The following NRXN1 variants were observed in gnomAD, a reference collection of about 807,000 sequenced individuals.
NRXN1 encodes neurexin-1.
NRXN1 carries 39 observed loss-of-function variants against 150.9 expected under a neutral mutation model. The ratio of observed to expected loss-of-function variants is 0.26; its 90% CI spans 0.20 to 0.34. The LOEUF is 0.34. NRXN1 is among the 10% of genes least tolerant of loss of function. NRXN1 has a pLI of 1.00. For synonymous variants in NRXN1, 924 were observed against 757.0 expected, an observed-to-expected ratio of 1.22 and a Z score of -3.62; for missense variants, 1,815 against 1,949.9, an observed-to-expected ratio of 0.93 and a Z score of 1.30.
At chr2:50,405,215 G>A (rs1419569247) in intron 17 of NRXN1, among the ~76,000 whole-genome samples, 1 of 152,136 alleles carries the variant, frequency 6.6e-6, no homozygotes, top group Non-Finnish European at 1.5e-5. Context: ...TCCACTTGCA[G>A]ATTGATATGC....
At chr2:50,593,316 T>C (rs1391229281) in intron 8 of NRXN1, among the ~76,000 whole-genome samples, 1 of 152,204 alleles carries the variant, frequency 6.6e-6, no homozygotes, top group Non-Finnish European at 1.5e-5. Context: ...GACAAATGAA[T>C]TGAAAATGAA....
chr2:50,923,779 C>T (rs1054096014), intron 3 of NRXN1, among the ~76,000 whole-genome samples: 6 of 151,848 alleles, frequency 4.0e-5, no homozygotes, highest in African/African-American at 1.2e-4. Flanking sequence ...TTTATTTGAG[C>T]TATATAACAT....
At chr2:49,950,503 A>C (rs1014795415) in intron 21 of NRXN1, among the ~76,000 whole-genome samples, 1 of 152,042 alleles carries the variant, frequency 6.6e-6, no homozygotes, top group Non-Finnish European at 1.5e-5. Context: ...ATTTTCTGAT[A>C]GGCATAAAAT....
chr2:50,798,537 A>C (rs1707156608), intron 5 of NRXN1, among the ~76,000 whole-genome samples: 1 of 152,166 alleles, frequency 6.6e-6, no homozygotes, highest in African/African-American at 2.4e-5. Context: ...GCAAGTTAAC[A>C]CTGCCCACTT....
intron 5 of NRXN1, among the ~76,000 whole-genome samples, chr2:50,688,645 G>T (rs183967574): frequency 6.6e-6 from 1 of 152,142 alleles, no homozygotes; most frequent in Admixed American, 6.5e-5. Flanking sequence ...GATAGCATCC[G>T]TTATCTTCTC....
chr2:50,944,971 C>G (rs1456254135), intron 2 of NRXN1, among the ~76,000 whole-genome samples: 1 of 152,254 alleles, frequency 6.6e-6, no homozygotes, highest in Non-Finnish European at 1.5e-5. Context: ...TTCTGCTAAC[C>G]ATTACATACT....
At chr2:50,455,555 C>T (rs1327398560) in intron 17 of NRXN1, among the ~76,000 whole-genome samples, 3 of 152,186 alleles carry the variant, frequency 2.0e-5, no homozygotes, top group Non-Finnish European at 4.4e-5. Context: ...GTGCCTGACA[C>T]ACCAAAATCC....
At chr2:50,585,286 T>C (rs1328765408) in intron 8 of NRXN1, among the ~76,000 whole-genome samples, 1 of 152,030 alleles carries the variant, frequency 6.6e-6, no homozygotes, top group African/African-American at 2.4e-5. Flanking sequence ...AATACAAATA[T>C]TGTATGATTC....
intron 8 of NRXN1, among the ~76,000 whole-genome samples, chr2:50,603,073 C>A (rs954283446): frequency 4.6e-5 from 7 of 152,156 alleles, no homozygotes; most frequent in Admixed American, 4.6e-4. Context: ...AAGCACCATA[C>A]CTCTCAGAGA....
intron 5 of NRXN1, among the ~76,000 whole-genome samples, chr2:50,647,773 C>G (rs1198725762): frequency 2.0e-5 from 3 of 151,766 alleles, no homozygotes; most frequent in Non-Finnish European, 4.4e-5. Flanking sequence ...CAAAAACAAG[C>G]AATTTATGAC....
At chr2:50,237,357 A>G (rs538048885) in intron 17 of NRXN1, among the ~76,000 whole-genome samples, 2 of 152,178 alleles carry the variant, frequency 1.3e-5, no homozygotes, top group African/African-American at 4.8e-5. Flanking sequence ...TCAACTTGGT[A>G]TTGAAATAGG....
intron 2 of NRXN1, among the ~76,000 whole-genome samples, chr2:50,988,192 G>A (rs981781034): frequency 5.9e-5 from 9 of 151,892 alleles, no homozygotes; most frequent in East Asian, 1.9e-4. Context: ...TCTTGTCGGC[G>A]CTCCTTAGAG....
At chr2:50,142,572 A>T (rs1037887631) in intron 18 of NRXN1, among the ~76,000 whole-genome samples, 3 of 151,930 alleles carry the variant, frequency 2.0e-5, no homozygotes, top group South Asian at 2.1e-4. Context: ...TATCACATGT[A>T]CCCAGTAAAT....
At chr2:51,002,665 G>C (rs771624461) in intron 2 of NRXN1, among the ~76,000 whole-genome samples, 4 of 151,852 alleles carry the variant, frequency 2.6e-5, no homozygotes, top group African/African-American at 4.8e-5. Flanking sequence ...AAAACAAAAG[G>C]AGACACATCA....
chr2:50,429,992 C>T (rs1215697009), intron 17 of NRXN1, among the ~76,000 whole-genome samples: 1 of 152,086 alleles, frequency 6.6e-6, no homozygotes, highest in Admixed American at 6.6e-5. Flanking sequence ...CCTTTATATT[C>T]ACATAAAACA....
intron 5 of NRXN1, among the ~76,000 whole-genome samples, chr2:50,820,153 G>A (rs1335579701): frequency 6.6e-6 from 1 of 152,014 alleles, no homozygotes; most frequent in Admixed American, 6.6e-5. Flanking sequence ...GAATCATGAA[G>A]TGGTCCAGAA....
At chr2:50,048,141 C>T (rs756315509) in intron 21 of NRXN1, among the ~76,000 whole-genome samples, 2 of 152,120 alleles carry the variant, frequency 1.3e-5, no homozygotes, top group African/African-American at 2.4e-5. Flanking sequence ...GTTGCTTACA[C>T]GCATTTAAAA....
In NRXN1 at chr2:50,212,565, C is replaced by A. The variant is rs550549166; in HGVS notation, c.3546+24224G>T. Among the ~76,000 whole-genome samples, 4 of 151,712 alleles carry A rather than the reference C, an allele frequency of 2.6e-5. No homozygotes were observed. The East Asian group carries it at 7.8e-4, about 30-fold the overall frequency. On this transcript the variant is annotated intron_variant, in intron 18 of 22. Transcript: ENST00000401669. ...TAACTGAATAAATGGCAAAGTTTGT[C>A]ATTTATATGTTTATTTAAATCTGTA...
intron 22 of NRXN1, among the ~76,000 whole-genome samples, chr2:49,936,806 A>G (rs1671109179): frequency 6.7e-6 from 1 of 148,618 alleles, no homozygotes; most frequent in Non-Finnish European, 1.5e-5. Flanking sequence ...AAACAAAACA[A>G]AAAACATATG....
Sources: allele counts gnomAD v4.1 joint callset (sites outside exome capture counted in the v4.1 genomes callset), GRCh38; gene constraint gnomAD v4.1.1; transcripts MANE v1.5; gene names NCBI Gene and HGNC (gene_info 2026-07-23, HGNC 2026-07-21).